The following MRAP2 variants were observed in gnomAD, a reference collection of about 807,000 sequenced individuals.
MRAP2 encodes the protein melanocortin-2 receptor accessory protein 2.
A neutral mutation model predicts 17.4 loss-of-function variants in MRAP2; 20 were observed. The ratio of observed to expected loss-of-function variants is 1.15; its 90% confidence interval spans 0.81 to 1.67. The LOEUF (loss-of-function observed/expected upper bound fraction) is 1.67. Among genes scored for constraint, MRAP2 ranks in the 40% most tolerant of loss-of-function variants. MRAP2 has a pLI of 0.00. For missense variants in MRAP2, 238 were observed against 240.0 expected (o/e 0.99, Z 0.05); for synonymous variants, 96 against 88.4 (o/e 1.09, Z -0.48).
At chr6:84,081,334 C>T (rs999877151) in intron 3 of MRAP2, among the ~76,000 whole-genome samples, 1 of 152,294 alleles carries the variant, frequency 6.6e-6, no homozygotes, top group South Asian at 2.1e-4. Context: ...TTGAATGTGA[C>T]TGTTTATGGC....
chr6:84,081,722 G>A (rs972952738), intron 3 of MRAP2, among the ~76,000 whole-genome samples: 4 of 152,158 alleles, frequency 2.6e-5, no homozygotes, highest in Non-Finnish European at 4.4e-5. Flanking sequence ...GGGAGGCTGC[G>A]GCAGGAGGAT....
chr6:84,051,359 C>T (rs1160597594), intron 1 of MRAP2, among the ~76,000 whole-genome samples: 1 of 152,170 alleles, frequency 6.6e-6, no homozygotes, highest in African/African-American at 2.4e-5. Context: ...AGTTTGTAGA[C>T]CAGCCTGGCC....
At chr6:84,119,598 T>A in the MRAP2 span, among the ~76,000 whole-genome samples, 1 of 152,360 alleles carries the variant, frequency 6.6e-6, no homozygotes, top group East Asian at 1.9e-4. Flanking sequence ...TTAAAAATTA[T>A]GTTGTCCACC....
intron 1 of MRAP2, among the ~76,000 whole-genome samples, chr6:84,035,808 T>C (rs754871512): frequency 1.6e-4 from 25 of 152,208 alleles, no homozygotes; most frequent in Non-Finnish European, 3.4e-4. Context: ...CCATTTCTGT[T>C]GGCCCCCAGA....
the MRAP2 span, among the ~76,000 whole-genome samples, chr6:84,116,946 TCCTTC>T: frequency 6.6e-4 from 101 of 152,226 alleles, no homozygotes; most frequent in African/African-American, 2.3e-3. Context: ...GCTTGCCGTT[TCCTTC>T]CCTTCCCTTC....
At chr6:84,051,230 G>A (rs1447364578) in intron 1 of MRAP2, among the ~76,000 whole-genome samples, 1 of 152,162 alleles carries the variant, frequency 6.6e-6, no homozygotes, top group Non-Finnish European at 1.5e-5. Flanking sequence ...TCAAATTCAG[G>A]GAGGTGGAGA....
chr6:84,045,216 G>A, intron 1 of MRAP2: 7 of 985,350 alleles, frequency 7.1e-6, no homozygotes, highest in Non-Finnish European at 8.4e-6. Flanking sequence ...TATACACAAT[G>A]AATGATGATA....
chr6:84,137,148 T>C, the MRAP2 span, among the ~76,000 whole-genome samples: 1 of 152,202 alleles, frequency 6.6e-6, no homozygotes, highest in African/African-American at 2.4e-5. Flanking sequence ...TGTTGTCACT[T>C]GGACAGCTCC....
At chr6:84,046,572 G>C (rs963746484) in intron 1 of MRAP2, among the ~76,000 whole-genome samples, 2 of 151,986 alleles carry the variant, frequency 1.3e-5, no homozygotes, top group African/African-American at 4.8e-5. Flanking sequence ...ACCAGGTCAG[G>C]AGATGGAGAT....
intron 3 of MRAP2, among the ~76,000 whole-genome samples, chr6:84,081,264 A>G (rs1427734451): frequency 3.3e-5 from 5 of 152,176 alleles, no homozygotes; most frequent in Non-Finnish European, 7.3e-5. Context: ...TCTTTTTCTG[A>G]TGTCTTGGGA....
intron 3 of MRAP2, among the ~76,000 whole-genome samples, chr6:84,083,427 T>C (rs1175735597): frequency 6.6e-6 from 1 of 152,246 alleles, no homozygotes; most frequent in Non-Finnish European, 1.5e-5. Context: ...AATATATGGG[T>C]ATTTTGCCAA....
intron 1 of MRAP2, among the ~76,000 whole-genome samples, chr6:84,040,045 G>A (rs113229072): frequency 0.015 from 2,260 of 152,218 alleles, 63 homozygotes; most frequent in African/African-American, 0.051. Flanking sequence ...CTGTGTCCCC[G>A]CCTAAATCTC....
chr6:84,033,641 G>C, upstream of MRAP2: 8 of 976,350 alleles, frequency 8.2e-6, no homozygotes, highest in Non-Finnish European at 8.5e-6. Flanking sequence ...GGCCAAGGCG[G>C]CCTCGCGCTG....
intron 3 of MRAP2, chr6:84,063,365 T>C: frequency 1.0e-6 from 1 of 985,334 alleles, no homozygotes; most frequent in African/African-American, 1.7e-5. Context: ...AATGGCAAAA[T>C]AGGATGAAAA....
At chr6:84,094,018 G>A (rs936029687), downstream of MRAP2, among the ~76,000 whole-genome samples, 5 of 152,162 alleles carry the variant, frequency 3.3e-5, no homozygotes, top group African/African-American at 1.2e-4. Flanking sequence ...AGTTGGCAGT[G>A]TTTCTGCTGG....
the MRAP2 span, among the ~76,000 whole-genome samples, chr6:84,133,132 A>G: frequency 1.4e-4 from 22 of 152,102 alleles, no homozygotes; most frequent in Admixed American, 5.2e-4. Flanking sequence ...TCCACTCCAG[A>G]CACTGTTTGC....
chr6:84,035,561 A>G (rs577280216), intron 1 of MRAP2: 12 of 318,280 alleles, frequency 3.8e-5, no homozygotes, highest in Non-Finnish European at 5.0e-5. Flanking sequence ...ATAAGATATC[A>G]GAGTGCATTG....
chr6:84,103,864 T>TCCTTGACTTCATTTTTGTGC, the MRAP2 span, among the ~76,000 whole-genome samples: 3 of 152,216 alleles, frequency 2.0e-5, no homozygotes, highest in Non-Finnish European at 2.9e-5. Context: ...TCCTGCTGTG[T>TCCTTGACTTCATTTTTGTGC]TCTTGACTTC....
Position 84,055,364 on chromosome 6 carries a change from G to C in MRAP2, c.46G>C (p.Ala16Pro), listed in dbSNP as rs1246731267. 2.5e-6 allele frequency: 4 copies of C among 1,613,696 alleles called. No homozygotes were observed. In the African/African-American group the frequency reaches 4.0e-5, roughly 16 times the overall value. The stretch of plus-strand genomic sequence containing the variant: ...TTCTAACAGAACCTCCCAGCAATCG[G>C]CATCTAATTCTGATTACACCTGGGA... The part of the protein sequence containing the change: ...LISNRTSQQS[A>P]SNSDYTWEYE... The change falls in exon 2 of 4, where the codon GCA becomes CCA. Residue 16 changes from alanine (A) to proline (P), a missense_variant. Ala to Pro is a conservative substitution (Grantham distance 27, BLOSUM62 -1). Coordinates refer to ENST00000257776, the MANE Select transcript of MRAP2 (RefSeq NM_138409.4).
Sources: gnomAD v4.1 joint callset for allele counts (sites outside exome capture counted in the v4.1 genomes callset) on GRCh38, gnomAD v4.1.1 for gene constraint, MANE v1.5 for transcripts, NCBI Gene and HGNC (gene_info 2026-07-23, HGNC 2026-07-21) for gene names.